The following ASIC2 variants were observed in gnomAD, a reference collection of about 807,000 sequenced individuals.
ASIC2 encodes the protein acid sensing ion channel subunit 2.
ASIC2 carries 25 observed loss-of-function variants against 57.3 expected under a neutral mutation model. That is an observed-to-expected ratio of 0.44 (90% CI 0.32 to 0.61). The LOEUF is 0.61. Ranked by LOEUF, ASIC2 falls within the 20% of genes least tolerant of loss-of-function variation. The pLI, the probability that ASIC2 is intolerant of heterozygous loss-of-function variation, is 0.06. For synonymous variants in ASIC2, 319 were observed against 307.5 expected, an observed-to-expected ratio of 1.04 and a Z score of -0.39; for missense variants, 641 against 738.1, an observed-to-expected ratio of 0.87 and a Z score of 1.52.
intron 1 of ASIC2, among the ~76,000 whole-genome samples, chr17:33,460,399 T>TATCCTGAGGATGAGGGAC (rs1912596405): frequency 6.6e-6 from 1 of 152,122 alleles, no homozygotes; most frequent in Non-Finnish European, 1.5e-5. Context: ...CCTTTATTTG[T>TATCCTGAGGATGAGGGAC]ATCCTGAGGA....
intron 1 of ASIC2, among the ~76,000 whole-genome samples, chr17:33,320,510 T>C (rs201333213): frequency 6.6e-6 from 1 of 152,182 alleles, no homozygotes; most frequent in East Asian, 1.9e-4. Flanking sequence ...AGGGAGCCAG[T>C]TGGAGACAGA....
rs535707837 is a variant in ASIC2 at position 33,737,767 on chromosome 17, C to T, written c.555+418211G>A. On this transcript the variant is annotated intron_variant, in intron 1 of 9. Coordinates refer to the ASIC2 transcript ENST00000359872. ...GTCCACCTGCATATAATATCCATTC[C>T]ACCCAAGTCAAGGAAGAGACAGTTT... 7.9e-5 allele frequency among the ~76,000 whole-genome samples: 12 copies of T among 152,258 alleles called. No individual in the cohort carries two copies. The East Asian group carries it at 2.3e-3, about 29-fold the overall frequency.
At chr17:33,054,850 A>G (rs1166451135) in intron 3 of ASIC2, among the ~76,000 whole-genome samples, 5 of 152,218 alleles carry the variant, frequency 3.3e-5, no homozygotes, top group Admixed American at 3.3e-4. Flanking sequence ...GCAGGCTTGC[A>G]ACTTGTTACA....
At chr17:34,117,841 G>A (rs1208123537) in intron 1 of ASIC2, among the ~76,000 whole-genome samples, 1 of 152,152 alleles carries the variant, frequency 6.6e-6, no homozygotes, top group Admixed American at 6.5e-5. Flanking sequence ...GAAAAGAGGA[G>A]GAGGAACAGA....
chr17:34,155,936 T>C (rs1344546905), intron 1 of ASIC2: 4 of 1,553,430 alleles, frequency 2.6e-6, no homozygotes, highest in Non-Finnish European at 2.6e-6. Context: ...GCACCACTTC[T>C]CCAGAGGACC....
chr17:34,023,720 G>T (rs554652913), intron 1 of ASIC2, among the ~76,000 whole-genome samples: 63 of 152,244 alleles, frequency 4.1e-4, no homozygotes, highest in Non-Finnish European at 6.5e-4. Context: ...AACTGAGTCT[G>T]CCAGAGCCTT....
At chr17:33,456,512 A>G (rs1461944227) in intron 1 of ASIC2, among the ~76,000 whole-genome samples, 1 of 152,226 alleles carries the variant, frequency 6.6e-6, no homozygotes, top group East Asian at 1.9e-4. Flanking sequence ...GCTACTGGGT[A>G]GTGACTACTG....
At chr17:33,047,390 G>A (rs1289801592) in intron 3 of ASIC2, among the ~76,000 whole-genome samples, 1 of 152,042 alleles carries the variant, frequency 6.6e-6, no homozygotes, top group Non-Finnish European at 1.5e-5. Context: ...CCAGGCTGTA[G>A]TGCAGCAGCA....
At chr17:33,274,910 C>T (rs762563914) in intron 1 of ASIC2, among the ~76,000 whole-genome samples, 2 of 152,226 alleles carry the variant, frequency 1.3e-5, no homozygotes, top group Non-Finnish European at 2.9e-5. Flanking sequence ...ACTCATCACT[C>T]GGCAGTTGTG....
At chr17:33,898,243 T>A (rs965882435) in intron 1 of ASIC2, among the ~76,000 whole-genome samples, 1 of 86,114 alleles carries the variant, frequency 1.2e-5, no homozygotes, top group Admixed American at 1.1e-4. Flanking sequence ...TTTTTTTTTT[T>A]TTTTTTTTTT....
chr17:33,997,454 C>G (rs188866255), intron 1 of ASIC2, among the ~76,000 whole-genome samples: 1 of 151,254 alleles, frequency 6.6e-6, no homozygotes, highest in South Asian at 2.1e-4. Context: ...ATGCCTGGCT[C>G]TACATTTATT....
chr17:33,745,407 G>GA lies in ASIC2; in HGVS notation c.555+410570dup, dbSNP rs74267094. On this transcript the variant is annotated intron_variant, in intron 1 of 9. Transcript: ENST00000359872. Reference sequence around the variant, plus strand: ...ATGGCTGAAAAACCCCAAATTTACTGAAAAAAAAAAATCAATTTACATATC... The same window carrying GA: ...ATGGCTGAAAAACCCCAAATTTACTGAAAAAAAAAAAATCAATTTACATATC... Among the ~76,000 whole-genome samples the GA allele has an allele frequency of 2.5e-3, 364 of 145,234 alleles. 1 individual carries two copies. The highest frequency in any genetic ancestry group is 8.3e-3 in the African/African-American group (324 of 39,014).
Position 33,464,670 on chromosome 17 carries a change from C to CCTCTCT in ASIC2, c.556-352609_556-352604dup, listed in dbSNP as rs757881490. On this transcript the variant is annotated intron_variant, in intron 1 of 9. Coordinates refer to the ASIC2 transcript ENST00000359872. ...TTCCTTTCTTCCTTCTCTCTCTCTC[C>CCTCTCT]CTCTCTCTCTCTCTCTCTATATATA... Among the ~76,000 whole-genome samples, 653 of 122,734 alleles carry CCTCTCT rather than the reference C, an allele frequency of 5.3e-3. 6 individuals are homozygous for CCTCTCT. The highest frequency in any genetic ancestry group is 0.016 in the African/African-American group (492 of 31,704). 80.5% of individuals were successfully genotyped at this position (122,734 alleles called of 152,430 possible). A position where few individuals can be genotyped will look rare whatever the true frequency, so the allele number is the denominator to read the frequency against.
At chr17:33,557,398 GTGCA>G (rs1193925837) in intron 1 of ASIC2, among the ~76,000 whole-genome samples, 1 of 152,140 alleles carries the variant, frequency 6.6e-6, no homozygotes, top group Non-Finnish European at 1.5e-5. Flanking sequence ...TATGTGCTAA[GTGCA>G]ATGTTAACAG....
chr17:33,619,199 T>C (rs985918215), intron 1 of ASIC2, among the ~76,000 whole-genome samples: 2 of 152,172 alleles, frequency 1.3e-5, no homozygotes, highest in Non-Finnish European at 2.9e-5. Flanking sequence ...GTTTTTTAGA[T>C]TCAGTTTCAA....
chr17:33,223,650 C>T (rs1200401115), intron 1 of ASIC2, among the ~76,000 whole-genome samples: 2 of 152,208 alleles, frequency 1.3e-5, no homozygotes, highest in Non-Finnish European at 2.9e-5. Context: ...TTAAATATTT[C>T]CTTATATAAT....
intron 1 of ASIC2, among the ~76,000 whole-genome samples, chr17:34,148,435 AG>A (rs1904377901): frequency 6.6e-6 from 1 of 152,228 alleles, no homozygotes; most frequent in Non-Finnish European, 1.5e-5. Context: ...AGCTTGACAA[AG>A]GTTGCCCCCA....
At chr17:33,452,738 GGTGTGTGTGTGTGTGTGTGT>G (rs35126239) in intron 1 of ASIC2, among the ~76,000 whole-genome samples, 1 of 140,408 alleles carries the variant, frequency 7.1e-6, no homozygotes, top group Non-Finnish European at 1.5e-5. Context: ...AACAGAGTGG[GGTGTGTGTGTGTGTGTGTGT>G]GTGTGTGTGT....
intron 1 of ASIC2, among the ~76,000 whole-genome samples, chr17:34,125,548 G>C (rs148781684): frequency 5.5e-4 from 83 of 152,186 alleles, no homozygotes; most frequent in African/African-American, 1.9e-3. Context: ...GGAATAGACT[G>C]AAACGATACC....
Sources: allele counts gnomAD v4.1 joint callset (sites outside exome capture counted in the v4.1 genomes callset), GRCh38; gene constraint gnomAD v4.1.1; transcripts MANE v1.5; gene names NCBI Gene and HGNC (gene_info 2026-07-23, HGNC 2026-07-21).